Variants in HSD17B14 observed in about 807,000 individuals in gnomAD.
HSD17B14 encodes hydroxysteroid 17-beta dehydrogenase 14, also known as L-fucose dehydrogenase.
HSD17B14 carries 32 observed loss-of-function variants against 32.2 expected under a neutral mutation model. The ratio of observed to expected loss-of-function variants is 0.99; its 90% CI spans 0.75 to 1.33. The LOEUF (loss-of-function observed/expected upper bound fraction) is 1.33. Among genes scored for constraint, HSD17B14 ranks in the 40% most tolerant of loss-of-function variants. The pLI is 0.00. For missense variants in HSD17B14, 370 were observed against 366.5 expected, an observed-to-expected ratio of 1.01 and a Z score of -0.08; for synonymous variants, 140 against 155.4, an observed-to-expected ratio of 0.90 and a Z score of 0.74.
intron 5 of HSD17B14, among the ~76,000 whole-genome samples, chr19:48,819,083 G>A (rs564685545): frequency 6.6e-6 from 1 of 152,276 alleles, no homozygotes; most frequent in African/African-American, 2.4e-5. Flanking sequence ...CCACCTCCCA[G>A]GTTCAAGCAA....
Position 48,833,883 on chromosome 19 carries a change from G to A in HSD17B14, c.210+393C>T, listed in dbSNP as rs186184616. 2.5e-3 allele frequency among the ~76,000 whole-genome samples: 373 copies of A among 151,862 alleles called. 6 individuals are homozygous for A. Among genetic ancestry groups the A allele is most frequent in the Admixed American group, 0.022 (335 of 15,242 alleles). ...CGCACACCTGTAATCCCAGCTACTC[G>A]GGAGGCTGAGATAGGAGAATGGCTT... On this transcript the variant is annotated intron_variant, in intron 3 of 8. Transcript: ENST00000263278.
At position 48,833,933 on chromosome 19, in the gene HSD17B14, T is replaced by A. The variant is rs912331028; in HGVS notation, c.210+343A>T. Among the ~76,000 whole-genome samples the A allele has an allele frequency of 2.6e-5, 4 of 151,774 alleles. No homozygotes were observed. In the East Asian group the frequency reaches 7.8e-4, roughly 29 times the overall value. Reference sequence around the variant, plus strand: ...TGAACTCGGTAGGCTGAGGTTGCAGTGAGCCGAGATCACACCACTGCACTC... The same window carrying A: ...TGAACTCGGTAGGCTGAGGTTGCAGAGAGCCGAGATCACACCACTGCACTC... On this transcript the variant is annotated intron_variant, in intron 3 of 8. Transcript: ENST00000263278.
At position 48,831,694 on chromosome 19, in the gene HSD17B14, G is replaced by C; in HGVS notation, c.343C>G (p.Leu115Val). 1 of 1,613,998 alleles carries C rather than the reference G, an allele frequency of 6.2e-7. No homozygotes were observed. The highest frequency in any genetic ancestry group is 8.5e-7 in the Non-Finnish European group (1 of 1,179,950). ...TTGGTCAAGGTGTACGTCCCCAGTA[G>C]GTTCAGCTCCAGCAGCTGGCGGAAT... ...QGFRQLLELN[L>V]LGTYTLTKLA... The change falls in exon 5 of 9, where the codon CTA (leucine) becomes GTA (valine). Residue 115 changes from leucine to valine, a missense_variant. By Grantham distance (32) the Leu-to-Val change is conservative. Transcript: ENST00000263278.
At chr19:48,826,542 T>TATATATATATATATACACACACAC in intron 5 of HSD17B14, among the ~76,000 whole-genome samples, 10 of 80,114 alleles carry the variant, frequency 1.2e-4, no homozygotes, top group African/African-American at 5.2e-4. Context: ...TATATATATA[T>TATATATATATATATACACACACAC]ACACACACAC....
At chr19:48,822,208 G>A (rs963306632) in intron 5 of HSD17B14, among the ~76,000 whole-genome samples, 4 of 144,996 alleles carry the variant, frequency 2.8e-5, no homozygotes, top group African/African-American at 1.0e-4. Context: ...GATGATGATG[G>A]TGAGGTTGGG....
At chr19:48,827,701 C>T (rs2122781365) in intron 5 of HSD17B14, among the ~76,000 whole-genome samples, 1 of 151,802 alleles carries the variant, frequency 6.6e-6, no homozygotes. Flanking sequence ...CCATGCCCAG[C>T]TAATTTTTTG....
At chr19:48,835,957 C>CA (rs1222589436) in intron 1 of HSD17B14, 114 bp from the exon 2 acceptor site, 1 of 882,562 alleles carries the variant, frequency 1.1e-6, no homozygotes, top group Admixed American at 2.0e-5. Flanking sequence ...ACCCCAGTCT[C>CA]ATGATCACCC....
Position 48,831,634 on chromosome 19 carries a change from G to A in HSD17B14, c.369+34C>T, listed in dbSNP as rs748536038. 128 of 1,460,182 alleles carry A rather than the reference G, an allele frequency of 8.8e-5. 3 individuals are homozygous for A. Among genetic ancestry groups the A allele is most frequent in the South Asian group, 7.6e-4 (67 of 88,156 alleles). 90.5% of individuals were successfully genotyped at this position (1,460,182 alleles called of 1,614,324 possible). On this transcript the variant is annotated intron_variant, in intron 5 of 8. Coordinates refer to ENST00000263278, the MANE Select transcript of HSD17B14 (RefSeq NM_016246.3). ...CACACAATCCACCTATCAGGAGGCT[G>A]CTCGGGCCTGGCGGCAGGGTCGCCA... is the stretch of plus-strand genomic sequence containing the variant.
chr19:48,835,950 CCA>C, intron 1 of HSD17B14, 107 bp from the exon 2 acceptor site: 5 of 976,912 alleles, frequency 5.1e-6, no homozygotes, highest in South Asian at 1.4e-5. Context: ...CCTCGTGACC[CCA>C]GTCTCATGAT....
intron 5 of HSD17B14, among the ~76,000 whole-genome samples, chr19:48,825,224 C>T (rs564620777): frequency 6.6e-5 from 8 of 121,356 alleles, no homozygotes; most frequent in South Asian, 2.5e-4. Flanking sequence ...GGCGATAGAG[C>T]GAGACTCCGT....
At chr19:48,833,389 A>G (rs1459681406) in intron 3 of HSD17B14, among the ~76,000 whole-genome samples, 1 of 152,158 alleles carries the variant, frequency 6.6e-6, no homozygotes, top group Non-Finnish European at 1.5e-5. Context: ...GAAATAATGG[A>G]GAAAAAATCA....
At chr19:48,814,877 CT>C (rs2035025049) in intron 6 of HSD17B14, among the ~76,000 whole-genome samples, 159 bp downstream of exon 6, 1 of 151,660 alleles carries the variant, frequency 6.6e-6, no homozygotes, top group Admixed American at 6.6e-5. Flanking sequence ...AAACAGAAAT[CT>C]GTCACAGGCA....
chr19:48,825,718 C>A (rs1397592223), intron 5 of HSD17B14, among the ~76,000 whole-genome samples: 1 of 152,162 alleles, frequency 6.6e-6, no homozygotes, highest in Non-Finnish European at 1.5e-5. Context: ...GCGTAACTTG[C>A]ATGACGTTGC....
Position 48,813,684 on chromosome 19 carries a change from G to T in HSD17B14, c.521C>A (p.Pro174Gln), listed in dbSNP as rs559833225. ...MTKALALDES[P>Q]YGVRVNCISP... ...TCACCAGTTGACTCGGACACCATATGGACTTTCATCCAGGGCCAAAGCTTT... is the reference window on the plus strand; with the variant it reads ...TCACCAGTTGACTCGGACACCATATTGACTTTCATCCAGGGCCAAAGCTTT... The change falls in exon 7 of 9, where the codon CCA becomes CAA. Residue 174 changes from proline (P) to glutamine (Q), a missense_variant. By Grantham distance (76) the Pro-to-Gln change is moderately conservative (BLOSUM62 -1). Coordinates refer to ENST00000263278, the MANE Select transcript of HSD17B14 (RefSeq NM_016246.3). The T allele has an allele frequency of 1.9e-5, 30 of 1,614,080 alleles. No individual in the cohort carries two copies. Among genetic ancestry groups the T allele is most frequent in the Non-Finnish European group, 2.4e-5 (28 of 1,180,030 alleles).
At chr19:48,817,617 C>G (rs1013278025) in intron 5 of HSD17B14, among the ~76,000 whole-genome samples, 8 of 152,164 alleles carry the variant, frequency 5.3e-5, no homozygotes, top group African/African-American at 1.4e-4. Context: ...CATGTTCTGT[C>G]TCTCCCACCA....
chr19:48,834,237 A>G (rs898605437), intron 3 of HSD17B14, 39 bp downstream of exon 3: 9 of 1,511,516 alleles, frequency 6.0e-6, no homozygotes, highest in African/African-American at 2.8e-5. Context: ...AGAACTGGTC[A>G]TTAGCGGAGA....
intron 5 of HSD17B14, among the ~76,000 whole-genome samples, chr19:48,826,528 A>AAAAAAAAAAAAAAATATAT (rs777368104): frequency 4.3e-5 from 1 of 23,096 alleles, no homozygotes; most frequent in African/African-American, 1.2e-4. Context: ...AAAAGAAGAA[A>AAAAAAAAAAAAAAATATAT]ATATATATAT....
At chr19:48,822,521 G>T (rs1568519979) in intron 5 of HSD17B14, among the ~76,000 whole-genome samples, 1 of 149,990 alleles carries the variant, frequency 6.7e-6, no homozygotes, top group African/African-American at 2.5e-5. Context: ...GATGGTGATG[G>T]TGATGACTGT....
chr19:48,824,606 T>C (rs1338468935), intron 5 of HSD17B14, among the ~76,000 whole-genome samples: 1 of 144,050 alleles, frequency 6.9e-6, no homozygotes, highest in Non-Finnish European at 1.5e-5. Context: ...CTGCCTCTAC[T>C]AAAAAAAAAA....
Sources: allele counts gnomAD v4.1 joint callset (sites outside exome capture counted in the v4.1 genomes callset), GRCh38; gene constraint gnomAD v4.1.1; transcripts MANE v1.5; gene names NCBI Gene and HGNC (gene_info 2026-07-23, HGNC 2026-07-21).